Variants in ALMS1 observed in about 807,000 individuals in gnomAD.
The protein encoded by ALMS1 is centrosome-associated protein ALMS1.
In ALMS1, 271 loss-of-function variants were observed where a neutral mutation model predicts 352.2. That is an observed-to-expected ratio of 0.77 (90% confidence interval 0.70 to 0.85). ALMS1 has a LOEUF of 0.85. ALMS1 is among the 40% of genes least tolerant of loss of function. The pLI is 0.00. For missense variants in ALMS1, 5,445 were observed against 4,870.7 expected, an observed-to-expected ratio of 1.12 and a Z score of -3.51; for synonymous variants, 1,865 against 1,761.2, an observed-to-expected ratio of 1.06 and a Z score of -1.48.
Position 73,385,930 on chromosome 2 carries a change from AG to A in ALMS1, c.64del (p.Glu22ArgfsTer19). The A allele has an allele frequency of 1.9e-6, 2 of 1,063,368 alleles. No individual in the cohort carries two copies. Among genetic ancestry groups the A allele is most frequent in the African/African-American group, 3.2e-5 (2 of 63,400 alleles). The allele number at this position is 1,063,368 out of a possible 1,614,324, so 65.9% of individuals were successfully genotyped here. ...ELEEEEEEEEEEEEEEEEAAA... is the reference protein window; with the variant it reads ...ELEEEEEEEEXEEEEEEEAAA... ...GAGGAGGAGGAGGAGGAGGAGGAGGAGGAGGAGGAGGAAGAGGAGGAGGCTG... is the reference window on the plus strand; with the variant it reads ...GAGGAGGAGGAGGAGGAGGAGGAGGAGAGGAGGAGGAAGAGGAGGAGGCTG... On this transcript the variant is annotated frameshift_variant, in exon 1 of 23. Transcript: ENST00000613296. LOFTEE classifies it high-confidence loss of function.
chr2:73,522,000 C>T (rs1673690857), intron 11 of ALMS1, among the ~76,000 whole-genome samples: 1 of 151,948 alleles, frequency 6.6e-6, no homozygotes, highest in Non-Finnish European at 1.5e-5. Flanking sequence ...GACTGCTTAC[C>T]CATTAGTCTG....
intron 1 of ALMS1, among the ~76,000 whole-genome samples, chr2:73,394,158 G>A (rs1465102057): frequency 6.6e-6 from 1 of 152,026 alleles, no homozygotes. Flanking sequence ...TTTATAGTAA[G>A]TTTTGAAATG....
At chr2:73,474,268 G>A (rs1432458529) in intron 9 of ALMS1, among the ~76,000 whole-genome samples, 1 of 151,816 alleles carries the variant, frequency 6.6e-6, no homozygotes, top group Non-Finnish European at 1.5e-5. Flanking sequence ...TAAAACAAGT[G>A]TTTCCAAAAG....
intron 10 of ALMS1, among the ~76,000 whole-genome samples, chr2:73,517,265 T>A (rs528504643): frequency 6.7e-6 from 1 of 148,626 alleles, no homozygotes; most frequent in Non-Finnish European, 1.5e-5. Flanking sequence ...TTTTTTTTTC[T>A]TATAGAGACA....
Position 73,545,123 on chromosome 2 carries a change from A to G in ALMS1, c.9908-5144A>G, listed in dbSNP as rs116088382. Among the ~76,000 whole-genome samples the G allele has an allele frequency of 9.8e-3, 1,491 of 152,090 alleles. 29 individuals are homozygous for G. Among genetic ancestry groups the G allele is most frequent in the African/African-American group, 0.034 (1,399 of 41,490 alleles). The stretch of plus-strand genomic sequence containing the variant: ...TAGATGGTAGTGATGGTTACATAAC[A>G]GTGTGAATATACTTAATGCCACTGA... On this transcript the variant is annotated intron_variant, in intron 12 of 22. Transcript: ENST00000613296.
rs2103771365 is a variant in ALMS1, at chr2:73,448,067, C to T, written c.1540C>T (p.Leu514Phe). ...CATTGGATCTCATTTATCCTTGTCC[C>T]TTGAGGACCTGTCTCAGTTGGCTGT... ...SDIGSHLSLSLEDLSQLAVSS... is the reference protein window; with the variant it reads ...SDIGSHLSLSFEDLSQLAVSS... Residue 514 changes from leucine to phenylalanine, a missense_variant, in exon 8 of 23, where the codon CTT becomes TTT. By Grantham distance (22) the Leu-to-Phe change is conservative. Transcript: ENST00000613296. 6.2e-7 allele frequency: 1 copy of T among 1,613,020 alleles called. No individual in the cohort carries two copies. Among genetic ancestry groups the T allele is most frequent in the Non-Finnish European group, 8.5e-7 (1 of 1,179,812 alleles).
intron 2 of ALMS1, among the ~76,000 whole-genome samples, chr2:73,415,596 T>C (rs1671169432): frequency 6.6e-6 from 1 of 152,134 alleles, no homozygotes; most frequent in Non-Finnish European, 1.5e-5. Context: ...GAGCGTTCAA[T>C]AGTTCTGAGG....
At chr2:73,562,409 C>T (rs1194173062) in intron 15 of ALMS1, among the ~76,000 whole-genome samples, 1 of 151,822 alleles carries the variant, frequency 6.6e-6, no homozygotes, top group East Asian at 1.9e-4. Context: ...TGTATGTTTG[C>T]GATAGTACTG....
chr2:73,546,282 G>T (rs1364757624), intron 12 of ALMS1, among the ~76,000 whole-genome samples: 2 of 152,102 alleles, frequency 1.3e-5, no homozygotes, highest in Non-Finnish European at 2.9e-5. Flanking sequence ...TATAACCAAG[G>T]TTTAGTTGGG....
intron 10 of ALMS1, among the ~76,000 whole-genome samples, chr2:73,493,905 G>C (rs977366753): frequency 7.9e-5 from 12 of 152,064 alleles, no homozygotes; most frequent in Admixed American, 3.9e-4. Flanking sequence ...CTTAATAAAC[G>C]TGAAAATTTA....
chr2:73,553,451 A>G (rs1224245016), intron 13 of ALMS1, among the ~76,000 whole-genome samples: 1 of 152,176 alleles, frequency 6.6e-6, no homozygotes, highest in Non-Finnish European at 1.5e-5. Context: ...TTTGTAGGAT[A>G]CCTTATGTGA....
At position 73,609,799 on chromosome 2, in the gene ALMS1, T is replaced by G. The variant is rs1675899836; in HGVS notation, c.*187T>G. 3 of 620,226 alleles carry G rather than the reference T, an allele frequency of 4.8e-6. No individual in the cohort carries two copies. The highest frequency in any genetic ancestry group is 1.8e-5 in the African/African-American group (1 of 54,294). The allele number at this position is 620,226 out of a possible 1,614,324, so 38.4% of individuals were successfully genotyped here. On this transcript the variant is annotated 3_prime_UTR_variant, in exon 23 of 23. Coordinates refer to ENST00000613296, the MANE Select transcript of ALMS1 (RefSeq NM_001378454.1). ...TTCCTAATGGTTTGGGAGCAATACT[T>G]TCTGCATAGTGGCCTTGTCCAATGG...
rs192563393 is a variant in ALMS1, at chr2:73,604,844, C to T, written c.12362+1540C>T. Reference sequence around the variant, plus strand: ...AGAGAAATGGGGAGGAGTAAAATCACTGGTGTCTTACCACTATTCAAGACA... The same window carrying T: ...AGAGAAATGGGGAGGAGTAAAATCATTGGTGTCTTACCACTATTCAAGACA... On this transcript the variant is annotated intron_variant, in intron 21 of 22. Coordinates refer to ENST00000613296, the MANE Select transcript of ALMS1 (RefSeq NM_001378454.1). Among the ~76,000 whole-genome samples, 223 of 152,312 alleles carry T rather than the reference C, an allele frequency of 1.5e-3. 2 individuals carry two copies. Among genetic ancestry groups the T allele is most frequent in the African/African-American group, 4.6e-3 (192 of 41,560 alleles).
chr2:73,561,578 G>A (rs1281132064), intron 15 of ALMS1, among the ~76,000 whole-genome samples: 2 of 151,674 alleles, frequency 1.3e-5, no homozygotes, highest in Non-Finnish European at 2.9e-5. Flanking sequence ...GCTTGTGAGA[G>A]GGTGGACAGA....
chr2:73,450,142 C>G lies in ALMS1; in HGVS notation c.3615C>G (p.Thr1205=), dbSNP rs1484430065. Residue 1205 remains threonine (T), a synonymous_variant, in exon 8 of 23, where the codon ACC becomes ACG. Transcript: ENST00000613296. ...REKPGIFYQQ[T]LPGSHIPEEA... ...AACCTGGTATTTTCTATCAACAGAC[C>G]TTGCCAGGTAGTCACATACCTGAAG... The G allele has an allele frequency of 6.2e-7, 1 of 1,614,016 alleles. No homozygotes were observed. The highest frequency in any genetic ancestry group is 1.7e-5 in the Admixed American group (1 of 60,004).
intron 17 of ALMS1, 72 bp from the exon 18 acceptor site, chr2:73,600,606 T>G: frequency 7.2e-7 from 1 of 1,383,364 alleles, no homozygotes; most frequent in Middle Eastern, 2.0e-4. Flanking sequence ...AGGGTTCACG[T>G]ACTCACTTGA....
chr2:73,450,202 T>G lies in ALMS1; in HGVS notation c.3675T>G (p.Ala1225=). 6.2e-7 allele frequency: 1 copy of G among 1,614,042 alleles called. No homozygotes were observed. The highest frequency in any genetic ancestry group is 8.5e-7 in the Non-Finnish European group (1 of 1,179,976). ...AAGTTTCACCTGTTCTTGGACCAGC[T>G]GACCAGAAGACTGGGACACCAACTC... The part of the protein sequence containing the change: ...AQKVSPVLGP[A]DQKTGTPTPT... Residue 1225 remains alanine (A), a synonymous_variant, in exon 8 of 23, where the codon GCT becomes GCG. Transcript: ENST00000613296.
chr2:73,545,995 C>G (rs1573010013), intron 12 of ALMS1, among the ~76,000 whole-genome samples: 1 of 152,282 alleles, frequency 6.6e-6, no homozygotes, highest in Middle Eastern at 3.4e-3. Flanking sequence ...ATATCAGATA[C>G]TTCATCAGGT....
At chr2:73,537,514 T>C (rs1026400138) in intron 12 of ALMS1, among the ~76,000 whole-genome samples, 4 of 152,206 alleles carry the variant, frequency 2.6e-5, no homozygotes, top group African/African-American at 9.7e-5. Flanking sequence ...ATTTATTGGT[T>C]CTAGGCATTT....
Sources: allele counts gnomAD v4.1 joint callset (sites outside exome capture counted in the v4.1 genomes callset), GRCh38; gene constraint gnomAD v4.1.1; transcripts MANE v1.5; gene names NCBI Gene and HGNC (gene_info 2026-07-23, HGNC 2026-07-21).